Variants in WDPCP observed in about 807,000 individuals in gnomAD.
The protein encoded by WDPCP is WD repeat containing planar cell polarity effector.
In WDPCP, 71 loss-of-function variants were observed where a neutral mutation model predicts 93.1. The ratio of observed to expected loss-of-function variants is 0.76; its 90% CI spans 0.63 to 0.93. The LOEUF (loss-of-function observed/expected upper bound fraction) is 0.93. WDPCP is among the 40% of genes least tolerant of loss of function. The pLI is 0.00. For missense variants in WDPCP, 844 were observed against 887.4 expected (o/e 0.95, Z 0.62); for synonymous variants, 315 against 315.0 (o/e 1.00, Z 0.00).
chr2:63,366,685 T>C (rs1223941072), intron 12 of WDPCP, among the ~76,000 whole-genome samples: 1 of 152,126 alleles, frequency 6.6e-6, no homozygotes, highest in East Asian at 1.9e-4. Flanking sequence ...CAAACTTTCA[T>C]GTTGTTATAC....
intron 13 of WDPCP, among the ~76,000 whole-genome samples, chr2:63,306,049 A>G (rs1427588208): frequency 6.6e-6 from 1 of 152,234 alleles, no homozygotes; most frequent in Non-Finnish European, 1.5e-5. Context: ...ATAAAAAATG[A>G]TAAAGGGGAT....
At chr2:63,316,470 T>C (rs1222370298) in intron 12 of WDPCP, among the ~76,000 whole-genome samples, 1 of 151,726 alleles carries the variant, frequency 6.6e-6, no homozygotes, top group East Asian at 1.9e-4. Flanking sequence ...CTGGGCAACA[T>C]AGTAAAACCC....
chr2:63,591,631 AAGT>A (rs1558858050), upstream of WDPCP, among the ~76,000 whole-genome samples: 1 of 152,308 alleles, frequency 6.6e-6, no homozygotes, highest in East Asian at 1.9e-4. Flanking sequence ...CTGTTCATTG[AAGT>A]AGTATCTGTT....
intron 3 of WDPCP, among the ~76,000 whole-genome samples, chr2:63,641,948 C>CCG (rs1459332544): frequency 4.6e-5 from 7 of 151,948 alleles, no homozygotes; most frequent in African/African-American, 1.7e-4. Context: ...GTCTTTAATC[C>CCG]ACTTTTATTT....
At chr2:63,689,604 A>G (rs1026748837) in intron 2 of WDPCP, among the ~76,000 whole-genome samples, 5 of 152,160 alleles carry the variant, frequency 3.3e-5, no homozygotes, top group African/African-American at 1.2e-4. Context: ...GGTTGAGGGG[A>G]AAAATGCCTG....
At chr2:63,730,399 AT>A (rs1265378772) in intron 2 of WDPCP, among the ~76,000 whole-genome samples, 3 of 152,146 alleles carry the variant, frequency 2.0e-5, no homozygotes, top group Non-Finnish European at 4.4e-5. Flanking sequence ...AGGAGTGCAA[AT>A]GGTCAGGCCT....
intron 2 of WDPCP, among the ~76,000 whole-genome samples, chr2:63,698,301 T>A (rs1279057369): frequency 2.6e-5 from 4 of 152,184 alleles, no homozygotes; most frequent in Non-Finnish European, 4.4e-5. Context: ...GTGACCTTTA[T>A]GCAAGGTCTT....
intron 13 of WDPCP, among the ~76,000 whole-genome samples, chr2:63,270,363 G>A (rs550666059): frequency 1.3e-5 from 2 of 152,154 alleles, no homozygotes; most frequent in South Asian, 4.2e-4. Flanking sequence ...CTTCCTTTCA[G>A]GAGTTCTATT....
At chr2:63,535,468 A>T (rs1037422056) in intron 1 of WDPCP, among the ~76,000 whole-genome samples, 1 of 152,238 alleles carries the variant, frequency 6.6e-6, no homozygotes. Context: ...CTATACTACA[A>T]GGCTACGGTA....
chr2:63,768,933 A>G (rs1235012294), intron 2 of WDPCP, among the ~76,000 whole-genome samples: 1 of 151,994 alleles, frequency 6.6e-6, no homozygotes, highest in African/African-American at 2.4e-5. Flanking sequence ...CTTTGGTCCT[A>G]GAGATTAGTG....
intron 2 of WDPCP, among the ~76,000 whole-genome samples, chr2:63,736,235 A>G (rs1669639458): frequency 6.6e-6 from 1 of 152,244 alleles, no homozygotes; most frequent in East Asian, 1.9e-4. Context: ...TATCAAAATA[A>G]AGTGACTCTT....
chr2:63,718,947 C>G (rs937194267), intron 2 of WDPCP, among the ~76,000 whole-genome samples: 6 of 152,070 alleles, frequency 3.9e-5, no homozygotes, highest in Non-Finnish European at 7.4e-5. Context: ...ATACATTAGT[C>G]ATAATTTTAT....
the WDPCP span, among the ~76,000 whole-genome samples, chr2:63,834,811 T>C: frequency 6.6e-6 from 1 of 152,210 alleles, no homozygotes; most frequent in Non-Finnish European, 1.5e-5. Flanking sequence ...ATGGAGCTCC[T>C]GGATGGTGCA....
intron 2 of WDPCP, among the ~76,000 whole-genome samples, chr2:63,653,775 A>G (rs936492690): frequency 6.6e-6 from 1 of 151,912 alleles, no homozygotes; most frequent in African/African-American, 2.4e-5. Context: ...GCCAGGTGTA[A>G]TGGCGGTGCC....
chr2:63,253,553 CAAAT>C (rs1303205503), intron 14 of WDPCP, among the ~76,000 whole-genome samples: 6 of 151,924 alleles, frequency 3.9e-5, no homozygotes, highest in Admixed American at 2.6e-4. Flanking sequence ...AAGATAAAAA[CAAAT>C]AAGTCCATTA....
chr2:63,240,559 G>T (rs1574960856), intron 14 of WDPCP, among the ~76,000 whole-genome samples: 2 of 152,090 alleles, frequency 1.3e-5, no homozygotes, highest in East Asian at 1.9e-4. Context: ...ATTGATAGAA[G>T]ATATTTTTGT....
intron 3 of WDPCP, among the ~76,000 whole-genome samples, chr2:63,618,052 A>C (rs180748197): frequency 6.6e-6 from 1 of 152,366 alleles, no homozygotes; most frequent in East Asian, 1.9e-4. Flanking sequence ...CATTGATAAA[A>C]AAATGCATTT....
At chr2:63,539,579 G>A (rs1432639980) in intron 1 of WDPCP, among the ~76,000 whole-genome samples, 1 of 152,142 alleles carries the variant, frequency 6.6e-6, no homozygotes, top group East Asian at 1.9e-4. Context: ...GTAATTGGTT[G>A]CGAGGATGAG....
chr2:63,734,212 T>C, intron 2 of WDPCP, among the ~76,000 whole-genome samples: 1 of 152,184 alleles, frequency 6.6e-6, no homozygotes, highest in South Asian at 2.1e-4. Context: ...TATTTGGAAA[T>C]TATTCTTACA....
Sources: allele counts gnomAD v4.1 joint callset (sites outside exome capture counted in the v4.1 genomes callset), GRCh38; gene constraint gnomAD v4.1.1; transcripts MANE v1.5; gene names NCBI Gene and HGNC (gene_info 2026-07-23, HGNC 2026-07-21).